Variants in PCDHA2 observed in about 807,000 individuals in gnomAD.
PCDHA2 encodes the protein protocadherin alpha 2, also known as protocadherin alpha-2.
PCDHA2 carries 58 observed loss-of-function variants against 66.0 expected under a neutral mutation model. The observed-to-expected ratio is 0.88, with a 90% CI of 0.71 to 1.09. The LOEUF is 1.09. Among genes scored for constraint, PCDHA2 ranks in the 50% least tolerant of loss-of-function variants. The pLI, the probability that PCDHA2 is intolerant of heterozygous loss-of-function variation, is 0.00. For synonymous variants in PCDHA2, 634 were observed against 554.0 expected (o/e 1.14, Z -2.03); for missense variants, 1,267 against 1,242.3 (o/e 1.02, Z -0.30).
intron 1 of PCDHA2, chr5:140,849,066 C>A (rs2040764051): frequency 6.5e-7 from 1 of 1,540,002 alleles, no homozygotes; most frequent in Non-Finnish European, 8.8e-7. Flanking sequence ...GCAGGTAAAA[C>A]CTCTTGGACT....
At chr5:140,863,858 G>A (rs2048210654) in intron 1 of PCDHA2, 1 of 177,150 alleles carries the variant, frequency 5.6e-6, no homozygotes, top group Non-Finnish European at 1.2e-5. Flanking sequence ...AAAATTAGCT[G>A]GGTGTGGTGG....
chr5:140,830,251 G>A (rs1554132671), intron 1 of PCDHA2: 2 of 1,613,892 alleles, frequency 1.2e-6, no homozygotes. Flanking sequence ...TGTACACAGC[G>A]CTGCGGTGCT....
At chr5:140,797,531 A>C in intron 1 of PCDHA2, 179 bp downstream of exon 1, 2 of 774,104 alleles carry the variant, frequency 2.6e-6, no homozygotes, top group Non-Finnish European at 2.1e-6. Context: ...TATTTAAACA[A>C]TCTACATAAC....
chr5:140,854,159 CAAAAAA>C, intron 1 of PCDHA2: 1 of 339,904 alleles, frequency 2.9e-6, no homozygotes, highest in Middle Eastern at 1.4e-3. Flanking sequence ...GATTCTGTCT[CAAAAAA>C]AAAAAAAAAA....
chr5:140,829,379 G>T (rs150962684), intron 1 of PCDHA2: 1 of 1,614,184 alleles, frequency 6.2e-7, no homozygotes, highest in Non-Finnish European at 8.5e-7. Context: ...CGCGCGGGAC[G>T]GGGGCTCGCC....
intron 1 of PCDHA2, among the ~76,000 whole-genome samples, chr5:140,879,111 T>A (rs1056977716): frequency 2.0e-4 from 30 of 152,184 alleles, no homozygotes; most frequent in African/African-American, 7.2e-4. Flanking sequence ...ATGGTGTAAT[T>A]GAAGGATTAG....
At chr5:140,898,818 A>G (rs2066994592) in intron 1 of PCDHA2, among the ~76,000 whole-genome samples, 1 of 152,216 alleles carries the variant, frequency 6.6e-6, no homozygotes, top group Admixed American at 6.5e-5. Flanking sequence ...CTTCCTACCC[A>G]TGAGCATGGA....
At chr5:140,843,056 A>C in intron 1 of PCDHA2, 1 of 1,594,198 alleles carries the variant, frequency 6.3e-7, no homozygotes, top group Non-Finnish European at 8.6e-7. Context: ...CGCAGCGAGC[A>C]AGCTGGTGCC....
At chr5:140,875,413 C>T (rs2055464602) in intron 1 of PCDHA2, 2 of 1,507,300 alleles carry the variant, frequency 1.3e-6, no homozygotes, top group South Asian at 2.7e-5. Flanking sequence ...TCATAAAATA[C>T]CTCAGGCAAG....
rs1554136166 is a variant in PCDHA2 at position 140,836,634 on chromosome 5, T to A, written c.2388+39282T>A. On this transcript the variant is annotated intron_variant, in intron 1 of 3. Transcript: ENST00000526136. ...CAGCGCGGTGGGGAGCTGGTCATTC[T>A]CCCAGCAGAGGCGGCAGAGGGTGTG... 6 of 1,613,416 alleles carry A rather than the reference T, an allele frequency of 3.7e-6. No homozygotes were observed. The East Asian group carries it at 1.3e-4, about 36-fold the overall frequency.
chr5:140,986,345 C>T (rs1442253492), intron 3 of PCDHA2, among the ~76,000 whole-genome samples: 2 of 152,172 alleles, frequency 1.3e-5, no homozygotes, highest in African/African-American at 4.8e-5. Flanking sequence ...GTTGCAGCCT[C>T]TTCTTCAGAT....
chr5:140,941,548 C>CTCG (rs1175641247), intron 1 of PCDHA2, among the ~76,000 whole-genome samples: 1 of 151,868 alleles, frequency 6.6e-6, no homozygotes, highest in Non-Finnish European at 1.5e-5. Context: ...AACTCCTGAC[C>CTCG]TCGTGATCCA....
intron 1 of PCDHA2, chr5:140,801,407 A>C (rs1762701504): frequency 6.2e-7 from 1 of 1,613,608 alleles, no homozygotes; most frequent in African/African-American, 1.3e-5. Context: ...CGTCCAAAAG[A>C]CACGGGGACC....
chr5:140,809,529 A>G (rs782270940), intron 1 of PCDHA2: 1 of 1,614,060 alleles, frequency 6.2e-7, no homozygotes, highest in South Asian at 1.1e-5. Context: ...GACTCTAGGG[A>G]CAGAGAAGAT....
intron 1 of PCDHA2, chr5:140,851,502 T>C (rs1581260413): frequency 6.6e-6 from 6 of 903,186 alleles, no homozygotes; most frequent in Middle Eastern, 1.2e-3. Context: ...TTTCAACTTA[T>C]ATAAAATATG....
At chr5:140,889,267 A>C (rs1376262292) in intron 1 of PCDHA2, among the ~76,000 whole-genome samples, 1 of 151,966 alleles carries the variant, frequency 6.6e-6, no homozygotes. Context: ...AAGTTTGTAT[A>C]ATCTTTGAAT....
At position 140,946,093 on chromosome 5, in the gene PCDHA2, T is replaced by A. The variant is rs1171535500; in HGVS notation, c.2389-32856T>A. Among the ~76,000 whole-genome samples, 4 of 151,584 alleles carry A rather than the reference T, an allele frequency of 2.6e-5. No homozygotes were observed. In the East Asian group the frequency reaches 7.7e-4, roughly 29 times the overall value. ...TGCAAACCACAGATCTGATAAGGAG[T>A]TAACATACCAAATATATAAGGAACT... is the stretch of plus-strand genomic sequence containing the variant. On this transcript the variant is annotated intron_variant, in intron 1 of 3. Transcript: ENST00000526136.
chr5:140,841,767 A>T, intron 1 of PCDHA2: 1 of 1,613,616 alleles, frequency 6.2e-7, no homozygotes, highest in Non-Finnish European at 8.5e-7. Context: ...AGAATGCCAG[A>T]CTCTCGGTTT....
chr5:140,928,835 C>G (rs782027566), intron 1 of PCDHA2: 1 of 1,614,036 alleles, frequency 6.2e-7, no homozygotes, highest in African/African-American at 1.3e-5. Context: ...CCACTTTCCT[C>G]CTCTGTCACT....
Sources: allele counts gnomAD v4.1 joint callset (sites outside exome capture counted in the v4.1 genomes callset), GRCh38; gene constraint gnomAD v4.1.1; transcripts MANE v1.5; gene names NCBI Gene and HGNC (gene_info 2026-07-23, HGNC 2026-07-21).